The following EYS variants were observed in gnomAD, a reference collection of about 807,000 sequenced individuals.
The protein encoded by EYS is EGF-like photoreceptor maintenance factor.
In EYS, 250 loss-of-function variants were observed where a neutral mutation model predicts 282.1. The observed-to-expected ratio is 0.89, with a 90% CI of 0.80 to 0.98. The LOEUF is 0.98. Ranked by LOEUF, EYS falls within the 50% of genes least tolerant of loss-of-function variation. EYS has a pLI of 0.00. For missense variants in EYS, 4,016 were observed against 3,709.0 expected (o/e 1.08, Z -2.15); for synonymous variants, 1,355 against 1,282.9 (o/e 1.06, Z -1.20).
chr6:64,987,056 A>G (rs1357203807), intron 14 of EYS, among the ~76,000 whole-genome samples: 1 of 151,520 alleles, frequency 6.6e-6, no homozygotes, highest in Non-Finnish European at 1.5e-5. Context: ...AAAAGATTTC[A>G]AAAGCTTTGG....
At chr6:64,660,233 A>G (rs1237562966) in intron 22 of EYS, among the ~76,000 whole-genome samples, 1 of 152,196 alleles carries the variant, frequency 6.6e-6, no homozygotes, top group Non-Finnish European at 1.5e-5. Flanking sequence ...GATGGGAAGT[A>G]TCTCAAAATA....
At chr6:64,236,259 A>C (rs1014859688) in intron 30 of EYS, among the ~76,000 whole-genome samples, 11 of 152,174 alleles carry the variant, frequency 7.2e-5, no homozygotes, top group Admixed American at 2.6e-4. Flanking sequence ...GGGCGTGAGC[A>C]ACCGTACCTG....
At chr6:64,356,820 T>A (rs1267201842) in intron 29 of EYS, among the ~76,000 whole-genome samples, 1 of 151,622 alleles carries the variant, frequency 6.6e-6, no homozygotes, top group East Asian at 1.9e-4. Flanking sequence ...TTCAACATAA[T>A]CTCCTTTTTT....
At chr6:65,437,968 T>A (rs568022410) in intron 5 of EYS, among the ~76,000 whole-genome samples, 82 of 151,746 alleles carry the variant, frequency 5.4e-4, no homozygotes, top group African/African-American at 1.9e-3. Flanking sequence ...TAACTCATCA[T>A]TTACATTAGG....
chr6:64,888,767 A>G (rs913856892), intron 18 of EYS, among the ~76,000 whole-genome samples: 1 of 152,064 alleles, frequency 6.6e-6, no homozygotes, highest in Non-Finnish European at 1.5e-5. Context: ...ATGTCTTACT[A>G]AAATCAAGAT....
intron 5 of EYS, among the ~76,000 whole-genome samples, chr6:65,474,860 C>G (rs12215413): frequency 0.39 from 59,427 of 151,670 alleles, 11,833 homozygotes; most frequent in Middle Eastern, 0.48. Flanking sequence ...TAAAAGTGCT[C>G]AAAGAACTGG....
intron 26 of EYS, among the ~76,000 whole-genome samples, chr6:64,442,375 A>G (rs1582757597): frequency 6.6e-6 from 1 of 152,334 alleles, no homozygotes; most frequent in South Asian, 2.1e-4. Flanking sequence ...AGCAGAGCAT[A>G]AAAGTTCAGA....
chr6:65,440,042 T>G (rs543086460), intron 5 of EYS, among the ~76,000 whole-genome samples: 105 of 152,164 alleles, frequency 6.9e-4, no homozygotes, highest in African/African-American at 2.5e-3. Context: ...GTTAAACAGC[T>G]GTTTTAGTGC....
intron 22 of EYS, among the ~76,000 whole-genome samples, chr6:64,642,975 C>A (rs1053890952): frequency 2.6e-5 from 4 of 152,088 alleles, no homozygotes; most frequent in Non-Finnish European, 5.9e-5. Context: ...ATTAGCTGGG[C>A]GTGGTGGCAC....
intron 12 of EYS, among the ~76,000 whole-genome samples, chr6:65,243,472 G>T (rs1767104046): frequency 6.6e-6 from 1 of 152,150 alleles, no homozygotes; most frequent in Non-Finnish European, 1.5e-5. Context: ...CGCTTTGTTG[G>T]GTGGGAATGA....
chr6:63,731,575 CAT>C (rs1768782203), intron 41 of EYS, among the ~76,000 whole-genome samples: 1 of 152,112 alleles, frequency 6.6e-6, no homozygotes, highest in Admixed American at 6.6e-5. Flanking sequence ...TTACTCAACA[CAT>C]AGTTATGTAT....
Position 64,223,698 on chromosome 6 carries a change from CTTTA to C in EYS, c.6424+6890_6424+6893del, listed in dbSNP as rs557281337. Among the ~76,000 whole-genome samples, 93 of 152,076 alleles carry C rather than the reference CTTTA, an allele frequency of 6.1e-4. No individual in the cohort carries two copies. The East Asian group carries it at 8.1e-3, about 13-fold the overall frequency. Reference sequence around the variant, plus strand: ...ATTCTACAAAAACTTTAAACATGTACTTTATTTATCTTTTATGTGTCAAATTATC... The same window carrying C: ...ATTCTACAAAAACTTTAAACATGTACTTTATCTTTTATGTGTCAAATTATC... On this transcript the variant is annotated intron_variant, in intron 31 of 42. Coordinates refer to ENST00000503581, the MANE Select transcript of EYS (RefSeq NM_001142800.2).
At chr6:63,945,490 G>A (rs1765370209) in intron 35 of EYS, among the ~76,000 whole-genome samples, 1 of 152,096 alleles carries the variant, frequency 6.6e-6, no homozygotes, top group African/African-American at 2.4e-5. Flanking sequence ...AAAGATTAAA[G>A]GTTTAGGGAG....
intron 26 of EYS, among the ~76,000 whole-genome samples, chr6:64,454,479 T>C (rs543618965): frequency 6.6e-6 from 1 of 152,296 alleles, no homozygotes; most frequent in South Asian, 2.1e-4. Context: ...TGAAAATGTA[T>C]AAGTACACTT....
chr6:64,604,556 C>A (rs1278262790), intron 24 of EYS, among the ~76,000 whole-genome samples: 1 of 151,954 alleles, frequency 6.6e-6, no homozygotes, highest in Non-Finnish European at 1.5e-5. Flanking sequence ...CACTTCTTCT[C>A]TGGTGTCTGA....
At chr6:64,304,962 T>TA (rs1481361669) in intron 30 of EYS, among the ~76,000 whole-genome samples, 1 of 151,932 alleles carries the variant, frequency 6.6e-6, no homozygotes, top group African/African-American at 2.4e-5. Context: ...CTTAATAAGC[T>TA]AAAAAAGAAG....
At chr6:65,073,612 T>G (rs1050502538) in intron 12 of EYS, among the ~76,000 whole-genome samples, 1 of 151,680 alleles carries the variant, frequency 6.6e-6, no homozygotes. Flanking sequence ...TGAACAAAAT[T>G]TAAAATGTTA....
intron 33 of EYS, among the ~76,000 whole-genome samples, chr6:64,037,282 T>A (rs1346616857): frequency 6.6e-6 from 1 of 152,172 alleles, no homozygotes; most frequent in African/African-American, 2.4e-5. Flanking sequence ...ACATTATACA[T>A]TAACACTTCA....
chr6:64,322,950 G>C (rs754856743), intron 29 of EYS, among the ~76,000 whole-genome samples: 1 of 152,018 alleles, frequency 6.6e-6, no homozygotes, highest in African/African-American at 2.4e-5. Context: ...AATCTCTACA[G>C]CACCTACCCC....
Sources: allele counts gnomAD v4.1 joint callset (sites outside exome capture counted in the v4.1 genomes callset), GRCh38; gene constraint gnomAD v4.1.1; transcripts MANE v1.5; gene names NCBI Gene and HGNC (gene_info 2026-07-23, HGNC 2026-07-21).